NRG3: variants seen among roughly 807,000 people sequenced by gnomAD.
NRG3 encodes pro-neuregulin-3, membrane-bound isoform.
NRG3 carries 31 observed loss-of-function variants against 66.9 expected under a neutral mutation model. That is an observed-to-expected ratio of 0.46 (90% CI 0.35 to 0.63). NRG3 has a LOEUF of 0.63. NRG3 is among the 20% of genes least tolerant of loss of function. The pLI is 0.00. For synonymous variants in NRG3, 393 were observed against 359.4 expected, an observed-to-expected ratio of 1.09 and a Z score of -1.06; for missense variants, 910 against 878.9, an observed-to-expected ratio of 1.04 and a Z score of -0.45.
chr10:82,440,080 G>A (rs1042335523), intron 2 of NRG3, among the ~76,000 whole-genome samples: 5 of 151,996 alleles, frequency 3.3e-5, no homozygotes, highest in Non-Finnish European at 7.4e-5. Flanking sequence ...GTGGGCATTA[G>A]GACATTTTCT....
chr10:82,381,251 G>A (rs2085597884), intron 2 of NRG3, among the ~76,000 whole-genome samples: 1 of 152,068 alleles, frequency 6.6e-6, no homozygotes, highest in African/African-American at 2.4e-5. Flanking sequence ...GTATGTAATG[G>A]TGATGTTAAT....
At chr10:82,285,621 G>A (rs1480568247) in intron 1 of NRG3, among the ~76,000 whole-genome samples, 1 of 152,170 alleles carries the variant, frequency 6.6e-6, no homozygotes, top group Non-Finnish European at 1.5e-5. Context: ...TCACATGAAA[G>A]TACAGTTCCT....
At chr10:82,935,584 T>G (rs1035445810) in intron 4 of NRG3, among the ~76,000 whole-genome samples, 9 of 152,172 alleles carry the variant, frequency 5.9e-5, no homozygotes, top group African/African-American at 2.2e-4. Flanking sequence ...TTATTTATAA[T>G]AGCAAAAAAT....
chr10:82,020,392 G>A (rs2062006106), intron 1 of NRG3, among the ~76,000 whole-genome samples: 1 of 152,026 alleles, frequency 6.6e-6, no homozygotes, highest in South Asian at 2.1e-4. Flanking sequence ...CTAGGTATAA[G>A]GAACTGTCCT....
chr10:82,265,996 A>G (rs73304696), intron 1 of NRG3, among the ~76,000 whole-genome samples: 11,276 of 152,160 alleles, frequency 0.074, 959 homozygotes, highest in African/African-American at 0.2. Context: ...TTAGGCGCCA[A>G]TTGATTTTCT....
chr10:82,152,487 C>G (rs547079865), intron 1 of NRG3, among the ~76,000 whole-genome samples: 1 of 152,124 alleles, frequency 6.6e-6, no homozygotes, highest in East Asian at 1.9e-4. Flanking sequence ...GTTCAGGGCT[C>G]GTGTTCTCAG....
chr10:81,875,347 G>C lies in NRG3; in HGVS notation c.7G>C (p.Glu3Gln). 1 of 988,820 alleles carries C rather than the reference G, an allele frequency of 1.0e-6. No individual in the cohort carries two copies. Among genetic ancestry groups the C allele is most frequent in the South Asian group, 4.5e-5 (1 of 22,132 alleles). 61.3% of individuals were successfully genotyped at this position (988,820 alleles called of 1,614,324 possible). Residue 3 changes from glutamate (E) to glutamine (Q), a missense_variant, in exon 1 of 9, where the codon GAA becomes CAA. Transcript: ENST00000372141. This position sits in a 1 kb window ranked among gnomAD's most constrained non-coding sequence, Gnocchi z 5.3. Reference sequence around the variant, plus strand: ...GTGAAGACCGGCTCCTAGGATGAGTGAAGGGGCGGCCGCTGCCTCGCCACC... The same window carrying C: ...GTGAAGACCGGCTCCTAGGATGAGTCAAGGGGCGGCCGCTGCCTCGCCACC... MS[E>Q]GAAAASPPGA...
At chr10:82,806,156 A>G (rs1218840018) in intron 3 of NRG3, among the ~76,000 whole-genome samples, 1 of 152,194 alleles carries the variant, frequency 6.6e-6, no homozygotes. Flanking sequence ...AAAGCAAGTG[A>G]CACCTCAGGG....
Position 82,334,136 on chromosome 10 carries a change from C to CAAAA in NRG3, c.824-24587_824-24584dup, listed in dbSNP as rs34320765. Among the ~76,000 whole-genome samples the CAAAA allele has an allele frequency of 1.4e-3, 127 of 89,878 alleles. 1 individual carries two copies. In the East Asian group the frequency reaches 0.027, roughly 19 times the overall value. 59.0% of individuals were successfully genotyped at this position (89,878 alleles called of 152,430 possible). ...AGTGAGCCCAGATGGCATGGCGTCT[C>CAAAA]AAAAAAAAAAAAAAAAAAAGAAAAG... On this transcript the variant is annotated intron_variant, in intron 1 of 8. Coordinates refer to ENST00000372141, the MANE Select transcript of NRG3 (RefSeq NM_001010848.4).
intron 2 of NRG3, among the ~76,000 whole-genome samples, chr10:82,714,252 A>G (rs1023271816): frequency 6.6e-6 from 1 of 151,588 alleles, no homozygotes; most frequent in Non-Finnish European, 1.5e-5. Flanking sequence ...CTTTATATCC[A>G]CTCTCTTAGG....
chr10:82,204,197 G>A (rs774483173), intron 1 of NRG3, among the ~76,000 whole-genome samples: 2 of 152,118 alleles, frequency 1.3e-5, no homozygotes, highest in Non-Finnish European at 2.9e-5. Flanking sequence ...GGGCTGGCAG[G>A]ATATAAAGAT....
At chr10:82,578,716 G>A (rs897340667) in intron 2 of NRG3, among the ~76,000 whole-genome samples, 6 of 151,544 alleles carry the variant, frequency 4.0e-5, no homozygotes, top group African/African-American at 1.2e-4. Context: ...GTGCCTAATG[G>A]GACAACAGTG....
chr10:82,045,944 A>C (rs1320800134), intron 1 of NRG3, among the ~76,000 whole-genome samples: 1 of 151,524 alleles, frequency 6.6e-6, no homozygotes, highest in Non-Finnish European at 1.5e-5. Context: ...TTTTGGTACC[A>C]GTACCATGCT....
intron 1 of NRG3, among the ~76,000 whole-genome samples, chr10:82,093,946 C>G (rs1193119513): frequency 2.0e-5 from 3 of 152,196 alleles, no homozygotes; most frequent in South Asian, 4.2e-4. Flanking sequence ...TTGAAATGTC[C>G]AAAACGCCAA....
At chr10:82,317,877 C>G (rs1247875692) in intron 1 of NRG3, among the ~76,000 whole-genome samples, 4 of 151,464 alleles carry the variant, frequency 2.6e-5, no homozygotes, top group Non-Finnish European at 5.9e-5. Flanking sequence ...TAGACAATTT[C>G]ATGTAAGAGG....
intron 1 of NRG3, among the ~76,000 whole-genome samples, chr10:82,017,067 A>C (rs1227441653): frequency 6.6e-6 from 1 of 152,058 alleles, no homozygotes; most frequent in East Asian, 1.9e-4. Flanking sequence ...TATATCTCCT[A>C]ATGCTATCCC....
At chr10:82,877,897 A>C (rs1436609302) in intron 4 of NRG3, among the ~76,000 whole-genome samples, 1 of 152,194 alleles carries the variant, frequency 6.6e-6, no homozygotes, top group Admixed American at 6.5e-5. Context: ...GCATAGCTTC[A>C]CAAAGTCTTA....
intron 2 of NRG3, among the ~76,000 whole-genome samples, chr10:82,665,713 C>T (rs1478747497): frequency 1.3e-5 from 2 of 152,130 alleles, no homozygotes; most frequent in African/African-American, 4.8e-5. Flanking sequence ...TTCAGTGCAC[C>T]TCCACATAAC....
intron 1 of NRG3, among the ~76,000 whole-genome samples, chr10:82,037,185 A>G (rs994748344): frequency 1.3e-5 from 2 of 152,140 alleles, no homozygotes; most frequent in Admixed American, 1.3e-4. Flanking sequence ...AAGCTTCTGG[A>G]TGGAGTCAGA....
Sources: gnomAD v4.1 joint callset for allele counts (sites outside exome capture counted in the v4.1 genomes callset) on GRCh38, gnomAD v4.1.1 for gene constraint, Gnocchi (gnomAD v3.1) non-coding constraint, MANE v1.5 for transcripts, NCBI Gene and HGNC (gene_info 2026-07-23, HGNC 2026-07-21) for gene names.